ATP2B3: variants seen among roughly 807,000 people sequenced by gnomAD.
ATP2B3 encodes the protein plasma membrane calcium-transporting ATPase 3.
In ATP2B3, 12 loss-of-function variants were observed where a neutral mutation model predicts 70.8. That is an observed-to-expected ratio of 0.17 (90% confidence interval 0.11 to 0.27). The LOEUF (loss-of-function observed/expected upper bound fraction) is 0.27, where lower values mean the gene tolerates loss of function less well. Ranked by LOEUF, ATP2B3 falls within the 10% of genes least tolerant of loss-of-function variation. The pLI is 1.00. For missense variants in ATP2B3, 858 were observed against 1,118.5 expected, an observed-to-expected ratio of 0.77 and a Z score of 3.32; for synonymous variants, 460 against 497.8, an observed-to-expected ratio of 0.92 and a Z score of 1.01.
intron 21 of ATP2B3, among the ~76,000 whole-genome samples, chrX:153,576,462 T>G (rs1401209774): frequency 1.8e-5 from 2 of 111,734 alleles, no homozygotes; most frequent in Non-Finnish European, 3.8e-5. Flanking sequence ...AGGCTGCTGG[T>G]GGGCAGAGTT....
intron 7 of ATP2B3, 56 bp from the exon 8 acceptor site, chrX:153,546,032 G>A (rs376520730): frequency 1.5e-5 from 18 of 1,190,054 alleles, no homozygotes; most frequent in South Asian, 3.6e-5. Context: ...TCTGCCACGC[G>A]GCCCCCAGGC....
intron 7 of ATP2B3, among the ~76,000 whole-genome samples, chrX:153,545,008 T>C (rs1195300612): frequency 8.9e-6 from 1 of 112,378 alleles, no homozygotes; most frequent in East Asian, 2.8e-4. Context: ...GGGTCTCCCC[T>C]CCCTGCAAGA....
intron 21 of ATP2B3, among the ~76,000 whole-genome samples, chrX:153,565,854 C>A (rs782326204): frequency 8.9e-6 from 1 of 112,743 alleles, no homozygotes; most frequent in South Asian, 3.6e-4. Flanking sequence ...AAACGGCGCT[C>A]GCCTAGGCCT....
chrX:153,561,860 G>T (rs1051755955), intron 19 of ATP2B3, among the ~76,000 whole-genome samples: 9 of 112,841 alleles, frequency 8.0e-5, no homozygotes, highest in African/African-American at 2.9e-4. Flanking sequence ...CCCGCAGGGT[G>T]GGTGTCACAG....
chrX:153,578,584 AGCAGT>A (rs2090884829), intron 21 of ATP2B3, among the ~76,000 whole-genome samples: 1 of 112,410 alleles, frequency 8.9e-6, no homozygotes, highest in African/African-American at 3.2e-5. Context: ...TCGCTCCTGG[AGCAGT>A]GCCCTGCCGG....
Position 153,517,682 on chromosome X carries a change from C to T in ATP2B3, c.-440C>T, listed in dbSNP as rs1556996576. 9.3e-6 allele frequency: 1 copy of T among 107,991 alleles called. No individual in the cohort carries two copies. The highest frequency in any genetic ancestry group is 3.4e-5 in the African/African-American group (1 of 29,788). The allele number at this position is 107,991 out of a possible 1,213,427, so 8.9% of individuals were successfully genotyped here. On this transcript the variant is annotated 5_prime_UTR_variant, in exon 1 of 22. Coordinates refer to ENST00000263519, the MANE Select transcript of ATP2B3 (RefSeq NM_001001344.3). ...GCCGAGCGCGCCGCGTCGCCCGCCG[C>T]CGGTGCAGAGCGTGGGGAGCACTCG...
rs1302412905 is a variant in ATP2B3 at position 153,567,221 on chromosome X, G to A, written c.3342+2118G>A. On this transcript the variant is annotated intron_variant, in intron 21 of 21. Coordinates refer to ENST00000263519, the MANE Select transcript of ATP2B3 (RefSeq NM_001001344.3). Reference sequence around the variant, plus strand: ...CACAATGCTCGGACAGGCCAGGGGTGCAGCACAGATAGTCTGTTCTCGTTC... The same window carrying A: ...CACAATGCTCGGACAGGCCAGGGGTACAGCACAGATAGTCTGTTCTCGTTC... Among the ~76,000 whole-genome samples, 3 of 113,509 alleles carry A rather than the reference G, an allele frequency of 2.6e-5. No individual in the cohort carries two copies. The East Asian group carries it at 8.3e-4, about 31-fold the overall frequency.
chrX:153,537,932 C>T (rs1415078436), intron 3 of ATP2B3, among the ~76,000 whole-genome samples: 4 of 112,843 alleles, frequency 3.5e-5, no homozygotes, highest in Non-Finnish European at 5.6e-5. Context: ...GGCAGGGGCA[C>T]GGAGAAGGGC....
rs782393731 is a variant in ATP2B3, at chrX:153,539,607, G to A, written c.209-1752G>A. Among the ~76,000 whole-genome samples, 6 of 113,358 alleles carry A rather than the reference G, an allele frequency of 5.3e-5. No individual in the cohort carries two copies. In the South Asian group the frequency reaches 2.2e-3, roughly 41 times the overall value. ...CTCTGGTCATCCCGTCCCTGCAGCA[G>A]ATGGCAGGCGTGAGCCCAGCTGCCC... is the stretch of plus-strand genomic sequence containing the variant. On this transcript the variant is annotated intron_variant, in intron 3 of 21. Coordinates refer to ENST00000263519, the MANE Select transcript of ATP2B3 (RefSeq NM_001001344.3).
chrX:153,535,976 C>A, intron 2 of ATP2B3, 146 bp from the exon 3 acceptor site: 1 of 409,074 alleles, frequency 2.4e-6, no homozygotes, highest in Non-Finnish European at 4.3e-6. Context: ...AGCATGAGGG[C>A]CACTGGCCCA....
intron 21 of ATP2B3, chrX:153,569,907 C>T (rs1280725122): frequency 1.7e-6 from 1 of 602,640 alleles, no homozygotes; most frequent in Non-Finnish European, 2.5e-6. Context: ...CCTTCCCGCC[C>T]AGACGGTGTC....
intron 19 of ATP2B3, among the ~76,000 whole-genome samples, chrX:153,561,701 G>A (rs782136680): frequency 8.0e-5 from 9 of 112,408 alleles, no homozygotes; most frequent in Non-Finnish European, 1.7e-4. Context: ...ATAGTGGCCC[G>A]GAATGTGACA....
intron 2 of ATP2B3, among the ~76,000 whole-genome samples, chrX:153,528,636 T>C (rs1400397627): frequency 9.0e-6 from 1 of 111,599 alleles, no homozygotes; most frequent in African/African-American, 3.3e-5. Flanking sequence ...AATTGACTTC[T>C]TTCTCATGTA....
intron 21 of ATP2B3, chrX:153,569,394 C>T: frequency 1.9e-6 from 1 of 529,178 alleles, no homozygotes. Flanking sequence ...ATCTGCTCAG[C>T]AAACCCTCTC....
At chrX:153,571,680 C>T (rs1201906256) in intron 21 of ATP2B3, among the ~76,000 whole-genome samples, 1 of 112,625 alleles carries the variant, frequency 8.9e-6, no homozygotes, top group Non-Finnish European at 1.9e-5. Context: ...CCTCCGGAGC[C>T]TGGCAGTGCG....
chrX:153,579,875 C>G, intron 21 of ATP2B3, 103 bp from the exon 22 acceptor site: 190 of 684,903 alleles, frequency 2.8e-4, no homozygotes, highest in Middle Eastern at 4.6e-4. Context: ...CTGACTGTCT[C>G]CTTCCTTCCT....
chrX:153,567,158 G>A (rs2090719659), intron 21 of ATP2B3, among the ~76,000 whole-genome samples: 1 of 113,336 alleles, frequency 8.8e-6, no homozygotes, highest in African/African-American at 3.2e-5. Flanking sequence ...CAGATGGCCT[G>A]CGTCTCCCCT....
At chrX:153,531,253 C>T (rs781960694) in intron 2 of ATP2B3, among the ~76,000 whole-genome samples, 14 of 113,312 alleles carry the variant, frequency 1.2e-4, no homozygotes, top group African/African-American at 4.2e-4. Flanking sequence ...GCCCTCCTTC[C>T]GTGCCCTCTC....
At chrX:153,538,708 T>A (rs1332493221) in intron 3 of ATP2B3, among the ~76,000 whole-genome samples, 1 of 113,207 alleles carries the variant, frequency 8.8e-6, no homozygotes, top group Non-Finnish European at 1.9e-5. Context: ...CCCCATGCCC[T>A]GGACCTGGAC....
Sources: allele counts gnomAD v4.1 joint callset (sites outside exome capture counted in the v4.1 genomes callset), GRCh38; gene constraint gnomAD v4.1.1; transcripts MANE v1.5; gene names NCBI Gene and HGNC (gene_info 2026-07-23, HGNC 2026-07-21).